The following NBEA variants were observed in gnomAD, a reference collection of about 807,000 sequenced individuals.
NBEA encodes lysosomal-trafficking regulator 2.
In NBEA, 44 loss-of-function variants were observed where a neutral mutation model predicts 343.4. The observed-to-expected ratio is 0.13, with a 90% CI of 0.10 to 0.16. The LOEUF (loss-of-function observed/expected upper bound fraction) is 0.16. Ranked by LOEUF, NBEA falls within the 10% of genes least tolerant of loss-of-function variation. The pLI, the probability that NBEA is intolerant of heterozygous loss-of-function variation, is 1.00. For synonymous variants in NBEA, 1,175 were observed against 1,238.7 expected (o/e 0.95, Z 1.08); for missense variants, 2,555 against 3,631.3 (o/e 0.70, Z 7.62).
intron 1 of NBEA, among the ~76,000 whole-genome samples, chr13:34,994,777 C>G (rs1056562595): frequency 6.6e-6 from 1 of 152,174 alleles, no homozygotes; most frequent in Non-Finnish European, 1.5e-5. Context: ...AATTCTGAAT[C>G]TTGGCAGATG....
At chr13:34,962,250 C>T (rs1213308869) in intron 1 of NBEA, among the ~76,000 whole-genome samples, 1 of 151,972 alleles carries the variant, frequency 6.6e-6, no homozygotes, top group Non-Finnish European at 1.5e-5. Flanking sequence ...CTAGCATGCC[C>T]TCTTTTTCTC....
intron 53 of NBEA, among the ~76,000 whole-genome samples, chr13:35,653,521 G>A (rs775998112): frequency 2.0e-5 from 3 of 151,984 alleles, no homozygotes; most frequent in Non-Finnish European, 2.9e-5. Flanking sequence ...AGTAGAGACA[G>A]GGTTTCACCG....
At chr13:35,044,859 T>C in intron 2 of NBEA, 88 bp from the exon 3 acceptor site, 1 of 781,354 alleles carries the variant, frequency 1.3e-6, no homozygotes, top group South Asian at 1.8e-5. Context: ...GAGATAACAA[T>C]GATAACTTTT....
intron 38 of NBEA, among the ~76,000 whole-genome samples, chr13:35,384,207 A>G (rs975775314): frequency 6.6e-6 from 1 of 152,238 alleles, no homozygotes; most frequent in Non-Finnish European, 1.5e-5. Context: ...TGCTAATATT[A>G]TATCAGTGTT....
At chr13:35,654,359 G>A (rs2084701191) in intron 53 of NBEA, among the ~76,000 whole-genome samples, 1 of 152,080 alleles carries the variant, frequency 6.6e-6, no homozygotes, top group Non-Finnish European at 1.5e-5. Context: ...CTCCCTGTGG[G>A]GCTGCCCACG....
chr13:35,560,719 C>T (rs1362265881), intron 44 of NBEA, among the ~76,000 whole-genome samples: 1 of 152,184 alleles, frequency 6.6e-6, no homozygotes, highest in Non-Finnish European at 1.5e-5. Context: ...GCCAGGTCTT[C>T]ATTACCTCCA....
At chr13:35,221,802 C>CT (rs900079437) in intron 33 of NBEA, among the ~76,000 whole-genome samples, 1 of 152,056 alleles carries the variant, frequency 6.6e-6, no homozygotes, top group African/African-American at 2.4e-5. Flanking sequence ...TTTTTCTAAG[C>CT]TTTTTTTCCT....
chr13:35,654,836 T>G lies in NBEA; in HGVS notation c.8036-19T>G. On this transcript the variant is annotated intron_variant, in intron 53 of 58. Transcript: ENST00000379939. Reference sequence around the variant, plus strand: ...CATATGGAATCTTTCTTCAAATGCTTTTTTCCATTTACTTTTAGCCAATAA... The same window carrying G: ...CATATGGAATCTTTCTTCAAATGCTGTTTTCCATTTACTTTTAGCCAATAA... The G allele has an allele frequency of 6.4e-7, 1 of 1,557,778 alleles. No individual in the cohort carries two copies. Among genetic ancestry groups the G allele is most frequent in the Non-Finnish European group, 8.6e-7 (1 of 1,160,938 alleles).
At position 35,107,281 on chromosome 13, in the gene NBEA, C is replaced by T. The variant is rs190497991; in HGVS notation, c.1681-2009C>T. ...ACTCAAATACTTGTTTTGGTTCCCCCCCCTTTATTAACTCAGCTATTTATT... is the reference window on the plus strand; with the variant it reads ...ACTCAAATACTTGTTTTGGTTCCCCTCCCTTTATTAACTCAGCTATTTATT... On this transcript the variant is annotated intron_variant, in intron 11 of 58. Transcript: ENST00000379939. Among the ~76,000 whole-genome samples, 139 of 151,780 alleles carry T rather than the reference C, an allele frequency of 9.2e-4. 4 individuals carry two copies. The East Asian group carries it at 0.025, about 27-fold the overall frequency.
chr13:35,625,811 A>G (rs1391145288), intron 48 of NBEA, among the ~76,000 whole-genome samples: 5 of 152,200 alleles, frequency 3.3e-5, no homozygotes, highest in Non-Finnish European at 5.9e-5. Flanking sequence ...ACAATGAGAT[A>G]TTATTTTGTA....
At position 35,274,096 on chromosome 13, in the gene NBEA, C is replaced by A. The variant is rs1424645042; in HGVS notation, c.5777-16293C>A. ...TTTAGACCAATATCCTGATGAACAT[C>A]AACGCAAAAAATTCTCAATAAAATA... On this transcript the variant is annotated intron_variant, in intron 34 of 58. Coordinates refer to ENST00000379939, the MANE Select transcript of NBEA (RefSeq NM_001385012.1). Among the ~76,000 whole-genome samples the A allele has an allele frequency of 2.0e-5, 3 of 152,122 alleles. No homozygotes were observed. In the East Asian group the frequency reaches 5.8e-4, roughly 29 times the overall value.
chr13:35,116,975 AAC>A (rs939961777), intron 13 of NBEA, among the ~76,000 whole-genome samples: 2 of 152,076 alleles, frequency 1.3e-5, no homozygotes, highest in African/African-American at 4.8e-5. Flanking sequence ...ATTGCAATAA[AAC>A]AGAGTGTCAT....
At chr13:35,528,631 A>G (rs1342230281) in intron 41 of NBEA, among the ~76,000 whole-genome samples, 1 of 152,210 alleles carries the variant, frequency 6.6e-6, no homozygotes, top group African/African-American at 2.4e-5. Context: ...CATGCCTGAA[A>G]TGAATTAAAT....
chr13:35,162,145 T>C (rs1420272703), intron 23 of NBEA, among the ~76,000 whole-genome samples, 178 bp downstream of exon 23: 4 of 152,168 alleles, frequency 2.6e-5, no homozygotes, highest in Non-Finnish European at 4.4e-5. Flanking sequence ...TAATATATAC[T>C]GTTTAAGTTT....
chr13:35,658,197 G>T (rs1432212283), intron 55 of NBEA, among the ~76,000 whole-genome samples: 1 of 152,044 alleles, frequency 6.6e-6, no homozygotes, highest in African/African-American at 2.4e-5. Context: ...TTTAAGTAAG[G>T]ACAAGATTAT....
chr13:35,408,603 G>C (rs1418387349), intron 38 of NBEA, among the ~76,000 whole-genome samples: 1 of 152,098 alleles, frequency 6.6e-6, no homozygotes, highest in Non-Finnish European at 1.5e-5. Flanking sequence ...TGCAAACTAT[G>C]CATCTGACAA....
At chr13:35,365,668 A>G (rs987684566) in intron 38 of NBEA, among the ~76,000 whole-genome samples, 9 of 151,638 alleles carry the variant, frequency 5.9e-5, no homozygotes, top group South Asian at 2.1e-4. Flanking sequence ...TTTGGTTTAG[A>G]TATTTTTATT....
At position 35,157,061 on chromosome 13, in the gene NBEA, A is replaced by C. The variant is rs923802253; in HGVS notation, c.2652-17A>C. On this transcript the variant is annotated splice_polypyrimidine_tract_variant and intron_variant, in intron 20 of 58. Transcript: ENST00000379939. ...AATTTGGATATTTTTAATGAGATCA[A>C]ATTTTTTTCTCCCTAGATGCTTATT... The C allele has an allele frequency of 1.3e-6, 2 of 1,511,692 alleles. No homozygotes were observed. The highest frequency in any genetic ancestry group is 2.7e-5 in the South Asian group (2 of 72,930). The allele number at this position is 1,511,692 out of a possible 1,614,324, so 93.6% of individuals were successfully genotyped here. A position where few individuals can be genotyped will look rare whatever the true frequency, so the allele number is the denominator to read the frequency against.
At chr13:35,272,818 T>C (rs1263976692) in intron 34 of NBEA, among the ~76,000 whole-genome samples, 1 of 152,150 alleles carries the variant, frequency 6.6e-6, no homozygotes, top group Non-Finnish European at 1.5e-5. Flanking sequence ...CCTAAATATA[T>C]ACGTGCCCAA....
Sources: gnomAD v4.1 joint callset for allele counts (sites outside exome capture counted in the v4.1 genomes callset) on GRCh38, gnomAD v4.1.1 for gene constraint, MANE v1.5 for transcripts, NCBI Gene and HGNC (gene_info 2026-07-23, HGNC 2026-07-21) for gene names.